The following ITFG1 variants were observed in gnomAD, a reference collection of about 807,000 sequenced individuals.
ITFG1 encodes integrin alpha FG-GAP repeat containing 1.
ITFG1 carries 34 observed loss-of-function variants against 81.8 expected under a neutral mutation model. That is an observed-to-expected ratio of 0.42 (90% CI 0.32 to 0.55). The LOEUF (loss-of-function observed/expected upper bound fraction) is 0.55. Ranked by LOEUF, ITFG1 falls within the 20% of genes least tolerant of loss-of-function variation. The probability of loss-of-function intolerance (pLI) is 0.17; values close to 1 mark genes in which losing one functional copy is unlikely to be tolerated. For synonymous variants in ITFG1, 285 were observed against 270.6 expected, an observed-to-expected ratio of 1.05 and a Z score of -0.52; for missense variants, 672 against 755.4, an observed-to-expected ratio of 0.89 and a Z score of 1.29.
At chr16:47,305,187 T>C (rs1267254805) in intron 10 of ITFG1, among the ~76,000 whole-genome samples, 2 of 152,160 alleles carry the variant, frequency 1.3e-5, no homozygotes, top group Non-Finnish European at 2.9e-5. Flanking sequence ...TTTACTACTC[T>C]CTCTCTGTAA....
At chr16:47,394,631 A>C (rs1968572128) in intron 6 of ITFG1, among the ~76,000 whole-genome samples, 2 of 152,052 alleles carry the variant, frequency 1.3e-5, no homozygotes, top group African/African-American at 4.8e-5. Flanking sequence ...CAAAAATCTA[A>C]ATGGAAAAAA....
At chr16:47,382,751 T>C (rs1175437872) in intron 6 of ITFG1, among the ~76,000 whole-genome samples, 1 of 152,244 alleles carries the variant, frequency 6.6e-6, no homozygotes, top group East Asian at 1.9e-4. Flanking sequence ...AGTAACAGGC[T>C]GCTGGCAGCA....
intron 8 of ITFG1, among the ~76,000 whole-genome samples, chr16:47,325,004 C>G (rs898466280): frequency 3.3e-5 from 5 of 152,186 alleles, no homozygotes; most frequent in Admixed American, 6.5e-5. Context: ...CTACAGAACT[C>G]TCTACCCCAA....
intron 14 of ITFG1, among the ~76,000 whole-genome samples, chr16:47,216,820 T>C (rs1965630954): frequency 6.6e-6 from 1 of 151,800 alleles, no homozygotes; most frequent in Non-Finnish European, 1.5e-5. Flanking sequence ...CGCCACCACG[T>C]GCAGCTTTTG....
chr16:47,261,573 T>C (rs1430645390), intron 10 of ITFG1, among the ~76,000 whole-genome samples: 1 of 152,234 alleles, frequency 6.6e-6, no homozygotes. Flanking sequence ...CTAGGCATTT[T>C]CCCAAAATAT....
intron 6 of ITFG1, 149 bp from the exon 7 acceptor site, chr16:47,376,089 T>TA (rs1037750884): frequency 0.061 from 24,004 of 392,584 alleles, no homozygotes; most frequent in East Asian, 0.082. Flanking sequence ...TTCATCCCAT[T>TA]AAAAAAAAAA....
intron 8 of ITFG1, among the ~76,000 whole-genome samples, chr16:47,345,914 G>A (rs984263723): frequency 6.6e-6 from 1 of 152,126 alleles, no homozygotes; most frequent in Non-Finnish European, 1.5e-5. Flanking sequence ...TAATGGGCAC[G>A]AATAGAGAAG....
intron 17 of ITFG1, 22 bp from the exon 18 acceptor site, chr16:47,155,800 G>T: frequency 2.6e-6 from 4 of 1,530,110 alleles, no homozygotes; most frequent in Non-Finnish European, 1.8e-6. Flanking sequence ...TTTTAGACTC[G>T]TTTATAAATG....
chr16:47,196,632 T>A (rs1295405515), intron 14 of ITFG1: 2 of 152,048 alleles, frequency 1.3e-5, no homozygotes, highest in East Asian at 3.9e-4. Context: ...CCTTTTGGAG[T>A]TTAGGCACAA....
chr16:47,435,642 T>C (rs930822227), intron 5 of ITFG1, among the ~76,000 whole-genome samples: 2 of 152,220 alleles, frequency 1.3e-5, no homozygotes, highest in Non-Finnish European at 2.9e-5. Context: ...TCAGCTTATA[T>C]TGAATTATCA....
intron 8 of ITFG1, among the ~76,000 whole-genome samples, chr16:47,325,048 C>G (rs1019373405): frequency 2.6e-5 from 4 of 152,112 alleles, no homozygotes; most frequent in African/African-American, 9.7e-5. Context: ...CAGCACCACA[C>G]CACACCTATT....
intron 6 of ITFG1, among the ~76,000 whole-genome samples, chr16:47,380,917 T>C (rs536678919): frequency 6.6e-6 from 1 of 152,346 alleles, no homozygotes; most frequent in South Asian, 2.1e-4. Flanking sequence ...AATTAAGTTC[T>C]TTTTCATTAG....
intron 12 of ITFG1, among the ~76,000 whole-genome samples, chr16:47,244,615 G>A (rs904075238): frequency 8.5e-5 from 12 of 140,738 alleles, no homozygotes; most frequent in African/African-American, 2.8e-4. Context: ...GTGTGTGTGT[G>A]TGTGTGTGTG....
intron 10 of ITFG1, among the ~76,000 whole-genome samples, chr16:47,278,252 G>A (rs1229066476): frequency 6.6e-6 from 1 of 152,140 alleles, no homozygotes; most frequent in Non-Finnish European, 1.5e-5. Flanking sequence ...GAATAGTGGT[G>A]GAGTCGAGGA....
At chr16:47,259,906 G>T (rs898525429) in intron 11 of ITFG1, among the ~76,000 whole-genome samples, 5 of 151,554 alleles carry the variant, frequency 3.3e-5, no homozygotes, top group Non-Finnish European at 2.9e-5. Flanking sequence ...ATCTTGTGCA[G>T]ATTCAAGGGT....
At chr16:47,246,008 G>A (rs1965998567) in intron 12 of ITFG1, among the ~76,000 whole-genome samples, 1 of 152,120 alleles carries the variant, frequency 6.6e-6, no homozygotes, top group Non-Finnish European at 1.5e-5. Flanking sequence ...ATGAGAAATC[G>A]ATGAACTATT....
intron 6 of ITFG1, chr16:47,425,744 C>CA (rs1352870739): frequency 6.6e-6 from 1 of 152,054 alleles, no homozygotes; most frequent in Admixed American, 6.6e-5. Context: ...AGGCGTGTGC[C>CA]ACCATGCCTG....
intron 10 of ITFG1, among the ~76,000 whole-genome samples, chr16:47,263,725 C>CTGAATGAA (rs200063278): frequency 1.1e-4 from 16 of 152,010 alleles, no homozygotes; most frequent in African/African-American, 3.9e-4. Flanking sequence ...ACTACTTTAC[C>CTGAATGAA]TGAATGAATG....
intron 13 of ITFG1, among the ~76,000 whole-genome samples, chr16:47,236,608 T>C (rs774366014): frequency 6.6e-6 from 1 of 151,796 alleles, no homozygotes; most frequent in Non-Finnish European, 1.5e-5. Context: ...ATGGCCACCA[T>C]GTAATAATCA....
Sources: gnomAD v4.1 joint callset for allele counts (sites outside exome capture counted in the v4.1 genomes callset) on GRCh38, gnomAD v4.1.1 for gene constraint, MANE v1.5 for transcripts, NCBI Gene and HGNC (gene_info 2026-07-23, HGNC 2026-07-21) for gene names.